Variants in PDE8B observed in about 807,000 individuals in gnomAD.
The protein encoded by PDE8B is phosphodiesterase 8B, also known as high affinity cAMP-specific and IBMX-insensitive 3',5'-cyclic phosphodiesterase 8B.
Under a neutral mutation model 101.3 loss-of-function variants are expected in PDE8B, and 26 were observed. The observed-to-expected ratio is 0.26, with a 90% CI of 0.19 to 0.36. The LOEUF (loss-of-function observed/expected upper bound fraction) is 0.36. PDE8B is among the 10% of genes least tolerant of loss of function. PDE8B has a pLI of 1.00. For synonymous variants in PDE8B, 424 were observed against 429.3 expected (o/e 0.99, Z 0.15); for missense variants, 810 against 1,163.1 (o/e 0.70, Z 4.42).
intron 6 of PDE8B, among the ~76,000 whole-genome samples, chr5:77,339,579 A>G (rs1193465675): frequency 1.3e-5 from 2 of 152,204 alleles, no homozygotes; most frequent in East Asian, 1.9e-4. Context: ...CATCTAGCAC[A>G]TATACCTGCA....
chr5:77,379,804 T>A (rs2150779902), intron 10 of PDE8B, among the ~76,000 whole-genome samples: 1 of 152,334 alleles, frequency 6.6e-6, no homozygotes, highest in South Asian at 2.1e-4. Flanking sequence ...TCATCAAAGT[T>A]TTTTGAGTAA....
At chr5:77,262,902 C>T (rs1197045441) in intron 1 of PDE8B, among the ~76,000 whole-genome samples, 3 of 152,328 alleles carry the variant, frequency 2.0e-5, no homozygotes, top group Middle Eastern at 3.4e-3. Flanking sequence ...AGGCTGAGTA[C>T]GCATCAGATT....
At chr5:77,248,702 C>T (rs922643053) in intron 1 of PDE8B, among the ~76,000 whole-genome samples, 1 of 152,176 alleles carries the variant, frequency 6.6e-6, no homozygotes, top group Non-Finnish European at 1.5e-5. Flanking sequence ...ATTTACACAT[C>T]GTATGTGGTG....
intron 1 of PDE8B, among the ~76,000 whole-genome samples, chr5:77,225,253 A>G (rs1357180734): frequency 1.3e-5 from 2 of 152,252 alleles, no homozygotes; most frequent in Non-Finnish European, 2.9e-5. Flanking sequence ...CCAGTTTTCA[A>G]AATAATGAGT....
chr5:77,259,845 G>C (rs913389607), intron 1 of PDE8B, among the ~76,000 whole-genome samples: 1 of 152,100 alleles, frequency 6.6e-6, no homozygotes, highest in Non-Finnish European at 1.5e-5. Flanking sequence ...CCTGTTTCCT[G>C]TGGAAAAAAG....
At position 77,339,735 on chromosome 5, in the gene PDE8B, T is replaced by C. The variant is rs554571691; in HGVS notation, c.797+2420T>C. On this transcript the variant is annotated intron_variant, in intron 6 of 21. Transcript: ENST00000264917. ...CCAGCTGCAGCTAAATATGTATCAT[T>C]ACTGTCATTCTGCAAGGACAGTCTG... is the stretch of plus-strand genomic sequence containing the variant. 2.6e-5 allele frequency among the ~76,000 whole-genome samples: 4 copies of C among 152,264 alleles called. No homozygotes were observed. The East Asian group carries it at 7.7e-4, about 29-fold the overall frequency.
At chr5:77,286,444 C>T (rs749922712) in intron 1 of PDE8B, among the ~76,000 whole-genome samples, 1 of 152,236 alleles carries the variant, frequency 6.6e-6, no homozygotes, top group Non-Finnish European at 1.5e-5. Context: ...TGGACCGTCC[C>T]ATGCCGTGGT....
At chr5:77,259,074 G>GCC (rs900637640) in intron 1 of PDE8B, among the ~76,000 whole-genome samples, 20 of 23,086 alleles carry the variant, frequency 8.7e-4, no homozygotes, top group African/African-American at 2.6e-3. Flanking sequence ...ACACACCCCC[G>GCC]CCCCCCCCCC....
the PDE8B span, among the ~76,000 whole-genome samples, chr5:77,097,724 T>TATATATATAG: frequency 2.1e-5 from 1 of 48,742 alleles, no homozygotes; most frequent in African/African-American, 4.2e-5. Context: ...TATATATATA[T>TATATATATAG]ATATATATAC....
chr5:77,418,546 C>T (rs924230357), intron 18 of PDE8B, 100 bp downstream of exon 18: 40 of 818,474 alleles, frequency 4.9e-5, no homozygotes, highest in Non-Finnish European at 1.3e-5. Context: ...TATTAGCTGT[C>T]CCACTGTACC....
At chr5:77,124,527 T>A in the PDE8B span, among the ~76,000 whole-genome samples, 10 of 151,252 alleles carry the variant, frequency 6.6e-5, no homozygotes, top group Middle Eastern at 6.8e-3. Context: ...GTTGAGGCTG[T>A]AGTGAGCTGA....
At chr5:77,388,162 G>C (rs1205967663) in intron 10 of PDE8B, among the ~76,000 whole-genome samples, 4 of 152,128 alleles carry the variant, frequency 2.6e-5, no homozygotes, top group African/African-American at 9.7e-5. Context: ...AGGTGTTCTG[G>C]TTTTTGGAAT....
At chr5:77,387,657 T>C (rs1195588325) in intron 10 of PDE8B, among the ~76,000 whole-genome samples, 1 of 152,224 alleles carries the variant, frequency 6.6e-6, no homozygotes, top group Non-Finnish European at 1.5e-5. Flanking sequence ...CTGGATAATA[T>C]CCTGAAGAGT....
intron 10 of PDE8B, among the ~76,000 whole-genome samples, chr5:77,373,510 G>C (rs1426215444): frequency 6.6e-6 from 1 of 151,780 alleles, no homozygotes; most frequent in Non-Finnish European, 1.5e-5. Flanking sequence ...GACCCTCCTT[G>C]CCCTCCTTTA....
intron 20 of PDE8B, among the ~76,000 whole-genome samples, chr5:77,422,459 G>A (rs1203476884): frequency 6.6e-6 from 1 of 152,172 alleles, no homozygotes; most frequent in Admixed American, 6.5e-5. Context: ...AAGTGCTACA[G>A]ACGTTCAGAG....
At chr5:77,331,747 ATAAAG>A (rs932308526) in intron 5 of PDE8B, among the ~76,000 whole-genome samples, 15 of 152,202 alleles carry the variant, frequency 9.9e-5, no homozygotes, top group African/African-American at 3.6e-4. Context: ...TCCTAAAGTA[ATAAAG>A]TAATCTTATT....
intron 1 of PDE8B, among the ~76,000 whole-genome samples, chr5:77,237,800 CT>C (rs1241037101): frequency 2.6e-5 from 4 of 152,064 alleles, no homozygotes; most frequent in Non-Finnish European, 4.4e-5. Flanking sequence ...ATTTTTAAGT[CT>C]TTTCTGCATT....
intron 1 of PDE8B, among the ~76,000 whole-genome samples, chr5:77,286,234 C>G (rs993657188): frequency 6.6e-6 from 1 of 152,174 alleles, no homozygotes; most frequent in Non-Finnish European, 1.5e-5. Flanking sequence ...GCTCAAATCT[C>G]AGTTCAGAGA....
chr5:77,372,726 C>T (rs1019604399), intron 10 of PDE8B, among the ~76,000 whole-genome samples: 3 of 152,194 alleles, frequency 2.0e-5, no homozygotes, highest in Non-Finnish European at 2.9e-5. Context: ...AATATCCTCT[C>T]ATCATCCTTT....
Sources: allele counts gnomAD v4.1 joint callset (sites outside exome capture counted in the v4.1 genomes callset), GRCh38; gene constraint gnomAD v4.1.1; transcripts MANE v1.5; gene names NCBI Gene and HGNC (gene_info 2026-07-23, HGNC 2026-07-21).